The following PTGER3 variants were observed in gnomAD, a reference collection of about 807,000 sequenced individuals.
PTGER3 encodes the protein prostaglandin E receptor 3, also known as prostaglandin E2 receptor EP3 subtype.
PTGER3 carries 22 observed loss-of-function variants against 34.7 expected under a neutral mutation model. The observed-to-expected ratio is 0.63, with a 90% CI of 0.45 to 0.91. PTGER3 has a LOEUF of 0.91. PTGER3 is among the 40% of genes least tolerant of loss of function. The probability of loss-of-function intolerance (pLI) is 0.00; values close to 1 mark genes in which losing one functional copy is unlikely to be tolerated. For synonymous variants in PTGER3, 241 were observed against 230.1 expected (o/e 1.05, Z -0.43); for missense variants, 468 against 519.4 (o/e 0.90, Z 0.96).
intron 4 of PTGER3, among the ~76,000 whole-genome samples, chr1:70,901,337 G>A (rs933557854): frequency 1.3e-5 from 2 of 152,156 alleles, no homozygotes; most frequent in Non-Finnish European, 2.9e-5. Flanking sequence ...TGAAGAACAG[G>A]AATTGTGAAA....
At chr1:70,854,709 C>A (rs775573349) in intron 4 of PTGER3, among the ~76,000 whole-genome samples, 7 of 152,202 alleles carry the variant, frequency 4.6e-5, no homozygotes, top group Non-Finnish European at 1.0e-4. Context: ...TGCTTCTGTA[C>A]AGCCTAGGGA....
At chr1:71,025,439 A>C (rs1658842304) in intron 1 of PTGER3, among the ~76,000 whole-genome samples, 1 of 152,140 alleles carries the variant, frequency 6.6e-6, no homozygotes, top group African/African-American at 2.4e-5. Flanking sequence ...TATTTAAAAT[A>C]TAGCCCAAGG....
chr1:70,911,592 G>A (rs1647062459), intron 4 of PTGER3, among the ~76,000 whole-genome samples: 2 of 152,030 alleles, frequency 1.3e-5, no homozygotes, highest in African/African-American at 2.4e-5. Flanking sequence ...GGAAAAAAGT[G>A]GGAGAAGACA....
chr1:70,946,382 A>T (rs774018821), intron 4 of PTGER3, among the ~76,000 whole-genome samples: 1 of 152,138 alleles, frequency 6.6e-6, no homozygotes, highest in Non-Finnish European at 1.5e-5. Flanking sequence ...TTCCCCAAAT[A>T]GATGATAACA....
downstream of PTGER3, among the ~76,000 whole-genome samples, chr1:70,968,701 CTAAAG>C (rs756041238): frequency 6.6e-4 from 100 of 151,752 alleles, no homozygotes; most frequent in Non-Finnish European, 1.1e-3. Flanking sequence ...ACTCTAAAAA[CTAAAG>C]TAGTTTTTTA....
At chr1:70,997,289 T>A (rs1220177457) in intron 2 of PTGER3, 3 of 152,002 alleles carry the variant, frequency 2.0e-5, no homozygotes, top group African/African-American at 7.2e-5. Flanking sequence ...AAAAATAAAA[T>A]AAGTAAATAA....
chr1:70,983,093 G>A (rs558325660), intron 2 of PTGER3, among the ~76,000 whole-genome samples: 1 of 152,158 alleles, frequency 6.6e-6, no homozygotes, highest in African/African-American at 2.4e-5. Flanking sequence ...ACAGTAGAGA[G>A]AGGACAGCCA....
chr1:70,975,828 G>A (rs1373314870), intron 2 of PTGER3, among the ~76,000 whole-genome samples: 1 of 152,050 alleles, frequency 6.6e-6, no homozygotes, highest in Non-Finnish European at 1.5e-5. Context: ...AGGTTTTTGG[G>A]GTCTTTTTAA....
intron 2 of PTGER3, among the ~76,000 whole-genome samples, chr1:70,987,144 T>G (rs931437054): frequency 2.0e-5 from 3 of 152,202 alleles, no homozygotes; most frequent in African/African-American, 7.2e-5. Context: ...AATATGGTTA[T>G]GGTTCTCCCC....
chr1:71,031,699 T>C (rs1295396433), intron 1 of PTGER3, among the ~76,000 whole-genome samples: 1 of 152,198 alleles, frequency 6.6e-6, no homozygotes, highest in African/African-American at 2.4e-5. Context: ...GGGTCTTGCC[T>C]GTTTTCCAAA....
At chr1:70,895,342 T>C (rs1337548104) in intron 4 of PTGER3, among the ~76,000 whole-genome samples, 2 of 152,218 alleles carry the variant, frequency 1.3e-5, no homozygotes, top group African/African-American at 4.8e-5. Flanking sequence ...ATGTGGTTAG[T>C]ATTCTGCCAG....
Position 70,889,788 on chromosome 1 carries a change from C to G in PTGER3, c.*24-36929G>C, listed in dbSNP as rs149412489. Among the ~76,000 whole-genome samples the G allele has an allele frequency of 7.0e-3, 1,058 of 152,064 alleles. 13 individuals are homozygous for G. The highest frequency in any genetic ancestry group is 0.024 in the African/African-American group (1,000 of 41,496). On this transcript the variant is annotated intron_variant, in intron 4 of 4. Transcript: ENST00000370931. The stretch of plus-strand genomic sequence containing the variant: ...GGTAAAACCTTGAGCTGAGGAGAAC[C>G]ATCAGATCACTGACTTCTCTTGAAA...
intron 1 of PTGER3, among the ~76,000 whole-genome samples, chr1:71,027,727 A>AT (rs201359491): frequency 6.5e-4 from 99 of 152,222 alleles, no homozygotes; most frequent in Admixed American, 1.7e-3. Flanking sequence ...TAGTAGCCAG[A>AT]TTTTTTTTAA....
rs1653472762 is a variant in PTGER3 at position 70,974,375 on chromosome 1, G to T, written c.1091C>A (p.Thr364Lys). The change falls in exon 3 of 4, where the codon ACA becomes AAA. Residue 364 changes from threonine (T) to lysine (K), a missense_variant. By Grantham distance (78) the Thr-to-Lys change is moderately conservative. Around this residue, in one of 5 missense-constraint regions of PTGER3, gnomAD observed 57 missense variants for 43.8 expected, o/e 1.30. Coordinates refer to ENST00000306666, the MANE Select transcript of PTGER3 (RefSeq NM_198719.2). ...GGTGGAGCTGGATGCATAGTTGTTTGTGTGGTACCTGATCTGTGAACAGAC... is the reference window on the plus strand; with the variant it reads ...GGTGGAGCTGGATGCATAGTTGTTTTTGTGGTACCTGATCTGTGAACAGAC... ...LRKFCQIRYH[T>K]NNYASSSTSL... The T allele has an allele frequency of 1.9e-6, 2 of 1,055,928 alleles. No individual in the cohort carries two copies. Among genetic ancestry groups the T allele is most frequent in the Non-Finnish European group, 1.5e-6 (1 of 670,252 alleles). The allele number at this position is 1,055,928 out of a possible 1,614,324, so 65.4% of individuals were successfully genotyped here. A position where few individuals can be genotyped will look rare whatever the true frequency, so the allele number is the denominator to read the frequency against.
At chr1:70,869,153 G>T in intron 4 of PTGER3, 1 of 373,152 alleles carries the variant, frequency 2.7e-6, no homozygotes. Flanking sequence ...ACTTCATATG[G>T]CAAAAGCAAG....
chr1:71,044,812 T>C (rs1660616965), intron 1 of PTGER3, among the ~76,000 whole-genome samples: 1 of 152,184 alleles, frequency 6.6e-6, no homozygotes. Context: ...GTTCAATTGA[T>C]TTAACTGCAT....
chr1:70,985,993 A>G (rs1403534720), intron 2 of PTGER3, among the ~76,000 whole-genome samples: 2 of 152,152 alleles, frequency 1.3e-5, no homozygotes, highest in Non-Finnish European at 2.9e-5. Flanking sequence ...AGTGCAGGAC[A>G]CAGGTCATAA....
At chr1:70,862,804 C>T (rs1035514097) in intron 4 of PTGER3, among the ~76,000 whole-genome samples, 6 of 152,084 alleles carry the variant, frequency 3.9e-5, no homozygotes, top group Admixed American at 3.3e-4. Flanking sequence ...TCAGGAAGGG[C>T]TTTGCAAGCA....
intron 2 of PTGER3, among the ~76,000 whole-genome samples, chr1:70,998,699 T>C (rs563975329): frequency 2.0e-5 from 3 of 152,336 alleles, no homozygotes; most frequent in Non-Finnish European, 2.9e-5. Context: ...TTTAATTGTG[T>C]ATTTCTCAAA....
Sources: allele counts gnomAD v4.1 joint callset (sites outside exome capture counted in the v4.1 genomes callset), GRCh38; gene constraint gnomAD v4.1.1; regional missense constraint gnomAD v4.1.1; transcripts MANE v1.5; gene names NCBI Gene and HGNC (gene_info 2026-07-23, HGNC 2026-07-21).